ASTN2: variants seen among roughly 807,000 people sequenced by gnomAD.
ASTN2 encodes astrotactin-2.
In ASTN2, 54 loss-of-function variants were observed where a neutral mutation model predicts 139.8. The observed-to-expected ratio is 0.39, with a 90% CI of 0.31 to 0.48. ASTN2 has a LOEUF of 0.48. ASTN2 is among the 20% of genes least tolerant of loss of function. The probability of loss-of-function intolerance (pLI) is 0.95; values close to 1 mark genes in which losing one functional copy is unlikely to be tolerated. For missense variants in ASTN2, 1,565 were observed against 1,725.1 expected (o/e 0.91, Z 1.64); for synonymous variants, 756 against 719.5 (o/e 1.05, Z -0.81).
At chr9:117,232,834 T>C (rs1257828317) in intron 2 of ASTN2, among the ~76,000 whole-genome samples, 1 of 152,116 alleles carries the variant, frequency 6.6e-6, no homozygotes, top group Non-Finnish European at 1.5e-5. Flanking sequence ...TTTCACATTT[T>C]CCCCCTTTTA....
At chr9:116,512,753 G>C (rs1850454227) in intron 19 of ASTN2, among the ~76,000 whole-genome samples, 1 of 152,170 alleles carries the variant, frequency 6.6e-6, no homozygotes, top group Non-Finnish European at 1.5e-5. Context: ...TTGCCATTAT[G>C]TAATGGCCTT....
chr9:117,010,834 G>C (rs1242354782), intron 6 of ASTN2, among the ~76,000 whole-genome samples: 3 of 152,186 alleles, frequency 2.0e-5, no homozygotes, highest in Non-Finnish European at 4.4e-5. Context: ...TGGTCCTTCA[G>C]TGATGTTCCA....
At chr9:117,176,057 C>T (rs1342529416) in intron 3 of ASTN2, among the ~76,000 whole-genome samples, 2 of 150,610 alleles carry the variant, frequency 1.3e-5, no homozygotes, top group African/African-American at 4.9e-5. Context: ...TAAAAATATG[C>T]AAAAGATATA....
chr9:117,027,108 A>G (rs1371162618), intron 6 of ASTN2, among the ~76,000 whole-genome samples: 1 of 152,186 alleles, frequency 6.6e-6, no homozygotes, highest in Non-Finnish European at 1.5e-5. Flanking sequence ...GACTGAAAGG[A>G]CGGTGATGGC....
At chr9:116,588,761 T>C (rs1334885802) in intron 19 of ASTN2, among the ~76,000 whole-genome samples, 2 of 152,212 alleles carry the variant, frequency 1.3e-5, no homozygotes, top group Admixed American at 1.3e-4. Flanking sequence ...CTTAAGTGCA[T>C]AGTTCATACT....
intron 5 of ASTN2, among the ~76,000 whole-genome samples, chr9:117,089,716 ATTC>A (rs1828657401): frequency 7.7e-6 from 1 of 129,844 alleles, no homozygotes; most frequent in African/African-American, 2.9e-5. Flanking sequence ...AGTCCATTGT[ATTC>A]TTCTTATGCC....
chr9:116,928,899 C>A (rs558855765), intron 10 of ASTN2, among the ~76,000 whole-genome samples: 1 of 152,260 alleles, frequency 6.6e-6, no homozygotes, highest in Admixed American at 6.5e-5. Flanking sequence ...GAATTCTGAT[C>A]TCTATTTTAC....
chr9:116,901,882 G>C (rs1834019544), intron 10 of ASTN2, among the ~76,000 whole-genome samples: 1 of 152,112 alleles, frequency 6.6e-6, no homozygotes, highest in Admixed American at 6.5e-5. Context: ...ACAAAAATTA[G>C]CCAGGCATGG....
At chr9:117,305,744 C>G (rs925923085) in intron 1 of ASTN2, among the ~76,000 whole-genome samples, 1 of 152,240 alleles carries the variant, frequency 6.6e-6, no homozygotes, top group African/African-American at 2.4e-5. Context: ...TAAGTGCTTA[C>G]TCTGTGCGAG....
chr9:116,438,687 G>A lies in ASTN2; in HGVS notation c.3782+1922C>T, dbSNP rs143238716. On this transcript the variant is annotated intron_variant, in intron 22 of 22. Coordinates refer to ENST00000313400, the MANE Select transcript of ASTN2 (RefSeq NM_001365068.1). ...TTGGGCCGGGCGGTGGCTCACGCCT[G>A]TAATCCTAGCACTTTGGGAGGCTGA... Among the ~76,000 whole-genome samples the A allele has an allele frequency of 2.5e-3, 387 of 152,322 alleles. 1 individual carries two copies. The highest frequency in any genetic ancestry group is 8.6e-3 in the African/African-American group (359 of 41,580).
intron 5 of ASTN2, among the ~76,000 whole-genome samples, chr9:117,058,097 C>T (rs373080107): frequency 1.3e-5 from 2 of 152,222 alleles, no homozygotes; most frequent in East Asian, 3.8e-4. Flanking sequence ...TGCCATGTTA[C>T]TCCACGTTCC....
chr9:116,773,704 C>G (rs1489315818), intron 13 of ASTN2, among the ~76,000 whole-genome samples: 2 of 152,260 alleles, frequency 1.3e-5, no homozygotes, highest in South Asian at 2.1e-4. Flanking sequence ...CCATTATCCT[C>G]ATTTTCACAG....
At chr9:116,461,419 C>T (rs528188775) in intron 20 of ASTN2, among the ~76,000 whole-genome samples, 70 of 151,898 alleles carry the variant, frequency 4.6e-4, no homozygotes, top group Admixed American at 9.9e-4. Context: ...TACATGTATA[C>T]GCATATATAT....
chr9:116,477,437 T>C (rs930090990), intron 20 of ASTN2, among the ~76,000 whole-genome samples: 5 of 151,960 alleles, frequency 3.3e-5, no homozygotes, highest in Non-Finnish European at 7.4e-5. Context: ...CCACTCGAGT[T>C]TGGGGACATC....
chr9:117,025,201 T>C (rs10759888), intron 6 of ASTN2, among the ~76,000 whole-genome samples: 33,788 of 152,142 alleles, frequency 0.22, 4,389 homozygotes, highest in Non-Finnish European at 0.29. Flanking sequence ...GAAATAGCTA[T>C]TTCATTTGGC....
At chr9:117,078,730 ATTTTAT>A (rs1162870162) in intron 5 of ASTN2, among the ~76,000 whole-genome samples, 2 of 151,862 alleles carry the variant, frequency 1.3e-5, no homozygotes, top group East Asian at 1.9e-4. Flanking sequence ...AGAGCTTTTT[ATTTTAT>A]TTTTATTTTT....
chr9:116,478,718 G>A (rs1195679481), intron 20 of ASTN2, among the ~76,000 whole-genome samples: 1 of 151,982 alleles, frequency 6.6e-6, no homozygotes, highest in African/African-American at 2.4e-5. Flanking sequence ...CCTCAGGCTG[G>A]GCGCAGTGGC....
rs193247731 is a variant in ASTN2 at position 116,685,437 on chromosome 9, C to A, written c.2807-33644G>T. ...ATTACTCTTTAACTATTGCAATTCC[C>A]CTGTCTTGATGAATCAGCTCTGTCT... On this transcript the variant is annotated intron_variant, in intron 16 of 22. Transcript: ENST00000313400. Among the ~76,000 whole-genome samples, 6 of 152,254 alleles carry A rather than the reference C, an allele frequency of 3.9e-5. No individual in the cohort carries two copies. The East Asian group carries it at 1.2e-3, about 29-fold the overall frequency.
intron 2 of ASTN2, among the ~76,000 whole-genome samples, chr9:117,275,976 C>T (rs1834179207): frequency 6.6e-6 from 1 of 152,090 alleles, no homozygotes; most frequent in Non-Finnish European, 1.5e-5. Flanking sequence ...TATTAATTTG[C>T]AGGGGAACAC....
Sources: gnomAD v4.1 joint callset for allele counts (sites outside exome capture counted in the v4.1 genomes callset) on GRCh38, gnomAD v4.1.1 for gene constraint, MANE v1.5 for transcripts, NCBI Gene and HGNC (gene_info 2026-07-23, HGNC 2026-07-21) for gene names.